Variants in SGMS1 observed in about 807,000 individuals in gnomAD.
SGMS1 encodes sphingomyelin synthase 1, also known as phosphatidylcholine:ceramide cholinephosphotransferase 1.
Under a neutral mutation model 46.2 loss-of-function variants are expected in SGMS1, and 13 were observed. The observed-to-expected ratio is 0.28, with a 90% CI of 0.18 to 0.45. SGMS1 has a LOEUF of 0.45. Among genes scored for constraint, SGMS1 ranks in the 20% least tolerant of loss-of-function variants. The pLI, the probability that SGMS1 is intolerant of heterozygous loss-of-function variation, is 1.00. For missense variants in SGMS1, 324 were observed against 519.9 expected, an observed-to-expected ratio of 0.62 and a Z score of 3.66; for synonymous variants, 203 against 187.8, an observed-to-expected ratio of 1.08 and a Z score of -0.66.
chr10:50,458,339 C>CTTTTTTTTTTTTTTTTTTTTTTTTTTT (rs750349777), intron 5 of SGMS1, among the ~76,000 whole-genome samples: 1 of 97,140 alleles, frequency 1.0e-5, no homozygotes, highest in Non-Finnish European at 1.9e-5. Context: ...TTCTTTTTCT[C>CTTTTTTTTTTTTTTTTTTTTTTTTTTT]TTTTTTTTTT....
chr10:50,442,291 A>G (rs1271214711), intron 5 of SGMS1, among the ~76,000 whole-genome samples: 1 of 151,690 alleles, frequency 6.6e-6, no homozygotes, highest in Admixed American at 6.6e-5. Context: ...TCACCCAAGT[A>G]TTAAGCCCAG....
intron 3 of SGMS1, among the ~76,000 whole-genome samples, chr10:50,468,576 G>A (rs1452774981): frequency 1.3e-5 from 2 of 152,136 alleles, no homozygotes; most frequent in African/African-American, 4.8e-5. Context: ...CCACTGTAAC[G>A]GGAGAACTCA....
intron 6 of SGMS1, among the ~76,000 whole-genome samples, chr10:50,414,429 G>A (rs977057607): frequency 2.0e-5 from 3 of 152,164 alleles, no homozygotes; most frequent in Admixed American, 2.0e-4. Flanking sequence ...TTCTGGATAT[G>A]TGTTTAAACA....
chr10:50,510,706 C>T (rs138980634), intron 3 of SGMS1, among the ~76,000 whole-genome samples: 10 of 152,072 alleles, frequency 6.6e-5, no homozygotes, highest in Non-Finnish European at 1.3e-4. Context: ...CCAGCTTCTC[C>T]CCATATCTTA....
chr10:50,613,889 G>A (rs1316766526), intron 1 of SGMS1, among the ~76,000 whole-genome samples: 1 of 152,246 alleles, frequency 6.6e-6, no homozygotes, highest in African/African-American at 2.4e-5. Flanking sequence ...TGTAGGTGCT[G>A]TACTAAGCTT....
intron 6 of SGMS1, among the ~76,000 whole-genome samples, chr10:50,359,801 T>TA (rs1848218671): frequency 6.6e-6 from 1 of 152,142 alleles, no homozygotes; most frequent in Non-Finnish European, 1.5e-5. Flanking sequence ...ATATCTATAG[T>TA]AATACATATT....
At position 50,343,930 on chromosome 10, in the gene SGMS1, T is replaced by A. The variant is rs1329160059; in HGVS notation, c.185A>T (p.Asp62Val). The change falls in exon 7 of 11, where the codon GAC becomes GTC. Residue 62 changes from aspartate to valine, a missense_variant. Around this residue, in one of 2 missense-constraint regions of SGMS1, gnomAD observed 150 missense variants for 169.8 expected, o/e 0.88. Transcript: ENST00000361781. ...CTCCATTTTCAGGGTTTCTATCATGTCCAGGAGCCGCTGCCCATTGTCAGA... is the reference window on the plus strand; with the variant it reads ...CTCCATTTTCAGGGTTTCTATCATGACCAGGAGCCGCTGCCCATTGTCAGA... Reference protein sequence around the residue: ...VSSDNGQRLLDMIETLKMEHH... With the variant: ...VSSDNGQRLLVMIETLKMEHH... 1 of 1,613,986 alleles carries A rather than the reference T, an allele frequency of 6.2e-7. No homozygotes were observed.
intron 6 of SGMS1, among the ~76,000 whole-genome samples, chr10:50,422,472 T>G (rs1849270126): frequency 6.6e-6 from 1 of 152,180 alleles, no homozygotes; most frequent in Non-Finnish European, 1.5e-5. Flanking sequence ...ACAGCAAATC[T>G]GATACTTCCT....
chr10:50,608,491 G>C (rs1249265045), intron 1 of SGMS1, among the ~76,000 whole-genome samples: 2 of 152,104 alleles, frequency 1.3e-5, no homozygotes, highest in Non-Finnish European at 2.9e-5. Context: ...GATTTCAGGG[G>C]ACGCTACTCA....
intron 6 of SGMS1, among the ~76,000 whole-genome samples, chr10:50,415,291 G>C (rs2133581184): frequency 6.8e-6 from 1 of 147,386 alleles, no homozygotes; most frequent in African/African-American, 2.7e-5. Context: ...TTTTGTAAGT[G>C]ATTCTGACCA....
At chr10:50,616,837 C>T (rs1445104517) in intron 1 of SGMS1, among the ~76,000 whole-genome samples, 3 of 152,004 alleles carry the variant, frequency 2.0e-5, no homozygotes, top group African/African-American at 4.8e-5. Flanking sequence ...AAATGATGAC[C>T]ATGTTCACGG....
At chr10:50,438,743 A>G (rs926881432) in intron 5 of SGMS1, among the ~76,000 whole-genome samples, 4 of 152,206 alleles carry the variant, frequency 2.6e-5, no homozygotes, top group African/African-American at 9.7e-5. Context: ...AGGAAGCCCC[A>G]AGAGCCAGGG....
chr10:50,500,026 G>A (rs1024759891), intron 3 of SGMS1, among the ~76,000 whole-genome samples: 1 of 152,172 alleles, frequency 6.6e-6, no homozygotes, highest in African/African-American at 2.4e-5. Flanking sequence ...AAATTAGCCA[G>A]GTGTGGTAGC....
intron 6 of SGMS1, among the ~76,000 whole-genome samples, chr10:50,382,770 T>C (rs556211763): frequency 1.3e-5 from 2 of 152,290 alleles, no homozygotes; most frequent in East Asian, 3.9e-4. Context: ...TCTTATGAAA[T>C]TGAATTTCAT....
chr10:50,572,310 C>T (rs762896624), intron 2 of SGMS1, among the ~76,000 whole-genome samples: 18 of 152,212 alleles, frequency 1.2e-4, no homozygotes, highest in Admixed American at 6.5e-5. Context: ...AGAGTCTATG[C>T]GCCCTCCTTT....
At chr10:50,500,091 C>T (rs1350894891) in intron 3 of SGMS1, among the ~76,000 whole-genome samples, 4 of 152,236 alleles carry the variant, frequency 2.6e-5, no homozygotes, top group East Asian at 1.9e-4. Context: ...TCGCTTGAAC[C>T]CGGGAGGTGG....
upstream of SGMS1, chr10:50,625,023 C>A: frequency 9.9e-7 from 1 of 1,005,762 alleles, no homozygotes; most frequent in South Asian, 3.5e-5. Context: ...CCTCCCCCGC[C>A]ACGCCCTCCC....
intron 5 of SGMS1, among the ~76,000 whole-genome samples, chr10:50,454,213 A>G (rs1837160982): frequency 6.6e-6 from 1 of 152,152 alleles, no homozygotes; most frequent in Admixed American, 6.5e-5. Flanking sequence ...GGGACAGATC[A>G]TGGGGGGCCT....
intron 2 of SGMS1, among the ~76,000 whole-genome samples, chr10:50,531,454 G>A (rs908971562): frequency 5.9e-5 from 9 of 151,530 alleles, no homozygotes; most frequent in Admixed American, 3.3e-4. Flanking sequence ...TTCAATAAAC[G>A]TGATACACGT....
Sources: gnomAD v4.1 joint callset for allele counts (sites outside exome capture counted in the v4.1 genomes callset) on GRCh38, gnomAD v4.1.1 for gene constraint, gnomAD v4.1.1 regional missense constraint, MANE v1.5 for transcripts, NCBI Gene and HGNC (gene_info 2026-07-23, HGNC 2026-07-21) for gene names.